The following NTNG1 variants were observed in gnomAD, a reference collection of about 807,000 sequenced individuals.
NTNG1 encodes the protein netrin-G1.
NTNG1 carries 16 observed loss-of-function variants against 54.0 expected under a neutral mutation model. That is an observed-to-expected ratio of 0.30 (90% CI 0.20 to 0.45). The LOEUF (loss-of-function observed/expected upper bound fraction) is 0.45. NTNG1 is among the 20% of genes least tolerant of loss of function. NTNG1 has a pLI of 1.00. For missense variants in NTNG1, 530 were observed against 678.7 expected (o/e 0.78, Z 2.43); for synonymous variants, 255 against 263.1 (o/e 0.97, Z 0.30).
intron 2 of NTNG1, among the ~76,000 whole-genome samples, chr1:107,202,061 AT>A (rs1416823133): frequency 6.6e-6 from 1 of 151,346 alleles, no homozygotes; most frequent in Non-Finnish European, 1.5e-5. Context: ...CTATAGCTTT[AT>A]TTTTTGTTTT....
intron 2 of NTNG1, among the ~76,000 whole-genome samples, chr1:107,281,143 A>G (rs542071546): frequency 1.3e-5 from 2 of 152,094 alleles, no homozygotes; most frequent in Non-Finnish European, 2.9e-5. Context: ...ACCTATCAAC[A>G]TTTCCATTTG....
chr1:107,363,447 A>C (rs551880385), intron 3 of NTNG1, among the ~76,000 whole-genome samples: 1 of 152,338 alleles, frequency 6.6e-6, no homozygotes, highest in East Asian at 1.9e-4. Flanking sequence ...TTAATCTGCA[A>C]TATAACTGCG....
At chr1:107,356,568 A>G (rs910375442) in intron 3 of NTNG1, among the ~76,000 whole-genome samples, 4 of 152,062 alleles carry the variant, frequency 2.6e-5, no homozygotes, top group Admixed American at 6.5e-5. Flanking sequence ...TGCTGGGATT[A>G]CAGGTGTGAG....
chr1:107,352,670 A>G (rs1046798751), intron 3 of NTNG1, among the ~76,000 whole-genome samples: 7 of 152,256 alleles, frequency 4.6e-5, no homozygotes, highest in Non-Finnish European at 1.0e-4. Flanking sequence ...CATAGTAGTC[A>G]TTAAATCTTA....
chr1:107,163,982 A>T (rs932877231), intron 2 of NTNG1, among the ~76,000 whole-genome samples: 1 of 152,216 alleles, frequency 6.6e-6, no homozygotes, highest in Admixed American at 6.5e-5. Flanking sequence ...CCTCAAAAGC[A>T]TCCAATGGAT....
intron 2 of NTNG1, among the ~76,000 whole-genome samples, chr1:107,197,701 C>A (rs1658443887): frequency 6.6e-6 from 1 of 151,888 alleles, no homozygotes; most frequent in African/African-American, 2.4e-5. Flanking sequence ...CTATCTAATC[C>A]CTGCCATGAC....
intron 2 of NTNG1, among the ~76,000 whole-genome samples, chr1:107,236,479 T>C (rs957515745): frequency 8.5e-5 from 13 of 152,138 alleles, no homozygotes; most frequent in Admixed American, 7.2e-4. Context: ...ATACAGATGA[T>C]GATCCAGATA....
At chr1:107,228,259 C>T (rs1660819490) in intron 2 of NTNG1, among the ~76,000 whole-genome samples, 1 of 152,148 alleles carries the variant, frequency 6.6e-6, no homozygotes, top group Admixed American at 6.6e-5. Context: ...TCTCACTTTC[C>T]TGCTCTTTCT....
intron 2 of NTNG1, among the ~76,000 whole-genome samples, chr1:107,291,309 T>C (rs1266729966): frequency 1.3e-5 from 2 of 152,142 alleles, no homozygotes; most frequent in Non-Finnish European, 2.9e-5. Context: ...ACATATAACA[T>C]AGAAAATATG....
Position 107,421,015 on chromosome 1 carries a change from T to C in NTNG1, c.1088-9735T>C. The C allele has an allele frequency of 2.8e-6, 3 of 1,080,164 alleles. No individual in the cohort carries two copies. The Admixed American group carries it at 5.7e-5, about 21-fold the overall frequency. 66.9% of individuals were successfully genotyped at this position (1,080,164 alleles called of 1,614,324 possible). A position where few individuals can be genotyped will look rare whatever the true frequency, so the allele number is the denominator to read the frequency against. The stretch of plus-strand genomic sequence containing the variant: ...GGCTACTTTTCAAGTGGGTTGGTGA[T>C]AAGTTATTACAGTTTGAACGTTTCA... On this transcript the variant is annotated intron_variant, in intron 5 of 7. Coordinates refer to ENST00000370068, the MANE Select transcript of NTNG1 (RefSeq NM_001113226.3).
chr1:107,248,005 T>G (rs1310654407), intron 2 of NTNG1, among the ~76,000 whole-genome samples: 1 of 152,086 alleles, frequency 6.6e-6, no homozygotes, highest in Non-Finnish European at 1.5e-5. Context: ...GAACTAGGAG[T>G]GGTCATTCAA....
chr1:107,474,727 G>T (rs1483730226), intron 7 of NTNG1, among the ~76,000 whole-genome samples: 1 of 152,166 alleles, frequency 6.6e-6, no homozygotes, highest in Non-Finnish European at 1.5e-5. Context: ...TGATTGAAGG[G>T]CAGAGAGAGA....
intron 3 of NTNG1, among the ~76,000 whole-genome samples, chr1:107,325,248 C>T (rs903930367): frequency 6.6e-6 from 1 of 152,006 alleles, no homozygotes; most frequent in Admixed American, 6.6e-5. Flanking sequence ...TGCCCTATAA[C>T]GAACTGAAAA....
intron 3 of NTNG1, among the ~76,000 whole-genome samples, chr1:107,382,741 T>G (rs965474063): frequency 6.6e-6 from 1 of 152,030 alleles, no homozygotes; most frequent in African/African-American, 2.4e-5. Context: ...TGGGCTTGGG[T>G]TTTTGGTTTT....
chr1:107,331,276 TA>T (rs35060911), intron 3 of NTNG1, among the ~76,000 whole-genome samples: 116,321 of 151,840 alleles, frequency 0.77, 46,870 homozygotes, highest in Non-Finnish European at 0.9. Context: ...AAGCCATCTT[TA>T]AATAGCAACA....
intron 2 of NTNG1, among the ~76,000 whole-genome samples, chr1:107,276,799 C>T (rs6663442): frequency 0.043 from 6,459 of 151,608 alleles, 433 homozygotes; most frequent in African/African-American, 0.15. Context: ...ATTCCCTGGC[C>T]TCCTTCCAGG....
Position 107,469,881 on chromosome 1 carries a change from T to A in NTNG1, c.1391-10730T>A, listed in dbSNP as rs185390855. Among the ~76,000 whole-genome samples, 245 of 152,236 alleles carry A rather than the reference T, an allele frequency of 1.6e-3. 1 individual carries two copies. The highest frequency in any genetic ancestry group is 4.3e-3 in the African/African-American group (178 of 41,506). ...CAAGGGCAGAAATAGTTTTTTTTTT[T>A]AATTAGTTTAAATTCAACTTTGATC... is the stretch of plus-strand genomic sequence containing the variant. On this transcript the variant is annotated intron_variant, in intron 7 of 7. Transcript: ENST00000370068.
intron 7 of NTNG1, among the ~76,000 whole-genome samples, chr1:107,444,794 C>T (rs867143461): frequency 9.2e-5 from 14 of 152,004 alleles, no homozygotes; most frequent in Admixed American, 5.2e-4. Flanking sequence ...TGCTAGCAGC[C>T]GAGAATCAAA....
At chr1:107,192,483 C>T (rs979402492) in intron 2 of NTNG1, among the ~76,000 whole-genome samples, 1 of 152,048 alleles carries the variant, frequency 6.6e-6, no homozygotes, top group Non-Finnish European at 1.5e-5. Context: ...CTTGGCCCCA[C>T]AATCTCAACT....
Sources: allele counts gnomAD v4.1 joint callset (sites outside exome capture counted in the v4.1 genomes callset), GRCh38; gene constraint gnomAD v4.1.1; transcripts MANE v1.5; gene names NCBI Gene and HGNC (gene_info 2026-07-23, HGNC 2026-07-21).